The following ENPEP variants were observed in gnomAD, a reference collection of about 807,000 sequenced individuals.
ENPEP encodes glutamyl aminopeptidase.
ENPEP carries 103 observed loss-of-function variants against 114.5 expected under a neutral mutation model. That is an observed-to-expected ratio of 0.90 (90% CI 0.77 to 1.06). ENPEP has a LOEUF of 1.06. Among genes scored for constraint, ENPEP ranks in the 50% least tolerant of loss-of-function variants. The pLI is 0.00. For missense variants in ENPEP, 1,196 were observed against 1,161.3 expected (o/e 1.03, Z -0.43); for synonymous variants, 420 against 422.0 (o/e 1.00, Z 0.06).
Position 110,543,003 on chromosome 4 carries a change from C to T in ENPEP, c.1945-12C>T, listed in dbSNP as rs1005417721. 19 of 1,612,738 alleles carry T rather than the reference C, an allele frequency of 1.2e-5. No individual in the cohort carries two copies. The highest frequency in any genetic ancestry group is 5.0e-5 in the Admixed American group (3 of 59,900). The stretch of plus-strand genomic sequence containing the variant: ...GAATTGTGTTTTTATCTCTCTTTCT[C>T]CCTCTTCCCAGACATTTTCTTCAGC... On this transcript the variant is annotated splice_polypyrimidine_tract_variant and intron_variant, in intron 12 of 19. Transcript: ENST00000265162.
chr4:110,560,661 T>C (rs1727646739), intron 19 of ENPEP, among the ~76,000 whole-genome samples: 1 of 152,172 alleles, frequency 6.6e-6, no homozygotes, highest in Admixed American at 6.5e-5. Flanking sequence ...CTCCTGTAAA[T>C]GTAACTCTGG....
chr4:110,544,078 A>G (rs1333634387), intron 13 of ENPEP, among the ~76,000 whole-genome samples: 1 of 152,022 alleles, frequency 6.6e-6, no homozygotes, highest in Non-Finnish European at 1.5e-5. Flanking sequence ...GAGTTCCTAG[A>G]TAGTATATTA....
chr4:110,511,987 C>T (rs1212287796), intron 6 of ENPEP, among the ~76,000 whole-genome samples: 4 of 152,138 alleles, frequency 2.6e-5, no homozygotes, highest in African/African-American at 9.7e-5. Context: ...TGATCTTGAA[C>T]TCCTTACCTC....
At chr4:110,561,301 C>T (rs1727668675) in intron 19 of ENPEP, 105 bp from the exon 20 acceptor site, 1 of 1,218,198 alleles carries the variant, frequency 8.2e-7, no homozygotes, top group Admixed American at 2.1e-5. Context: ...TGCAGTGATA[C>T]TGAATTTCTA....
At chr4:110,536,597 C>T (rs1008899070) in intron 11 of ENPEP, among the ~76,000 whole-genome samples, 1 of 152,172 alleles carries the variant, frequency 6.6e-6, no homozygotes, top group Non-Finnish European at 1.5e-5. Context: ...ACTAGTAGGT[C>T]TCTGTCACAT....
In ENPEP at chr4:110,513,489, T is replaced by C; in HGVS notation, c.1383T>C (p.Ile461=). The change falls in exon 7 of 20, where the codon ATT becomes ATC. Residue 461 remains isoleucine, a synonymous_variant. Coordinates refer to ENST00000265162, the MANE Select transcript of ENPEP (RefSeq NM_001977.4). ...DDSLMSSHPI[I]VTVTTPDEIT... is the part of the protein sequence containing the mutation. ...CTTTGATGTCTTCGCATCCAATTATTGTGACTGTGACAACCCCTGATGAAA... is the reference window on the plus strand; with the variant it reads ...CTTTGATGTCTTCGCATCCAATTATCGTGACTGTGACAACCCCTGATGAAA... The C allele has an allele frequency of 1.2e-6, 2 of 1,613,570 alleles. No homozygotes were observed. Among genetic ancestry groups the C allele is most frequent in the Non-Finnish European group, 1.7e-6 (2 of 1,179,622 alleles).
chr4:110,506,403 A>G, intron 3 of ENPEP: 1 of 405,908 alleles, frequency 2.5e-6, no homozygotes, highest in Non-Finnish European at 4.4e-6. Context: ...AGTCATTAAA[A>G]TCACTTAGTG....
chr4:110,509,923 C>T (rs1725513701), intron 5 of ENPEP, 116 bp downstream of exon 5: 3 of 1,333,160 alleles, frequency 2.3e-6, no homozygotes, highest in Non-Finnish European at 3.0e-6. Flanking sequence ...GAAAAACTTG[C>T]ATGAAAATCT....
chr4:110,481,717 T>C (rs1363198551), intron 1 of ENPEP, among the ~76,000 whole-genome samples: 3 of 152,178 alleles, frequency 2.0e-5, no homozygotes, highest in Middle Eastern at 6.8e-3. Flanking sequence ...AAGGGAAGAG[T>C]TTATATGTGT....
chr4:110,531,255 AT>A lies in ENPEP; in HGVS notation c.1788del (p.Phe596LeufsTer11). On this transcript the variant is annotated frameshift_variant, in exon 11 of 20. Transcript: ENST00000265162. LOFTEE classifies it high-confidence loss of function. ...TEDNITSSVL[F>X]NRSEKEGITL... ...AAGATAATATAACAAGCAGTGTGTTATTTAATAGGTCAGAAAAAGAAGGTAA... is the reference window on the plus strand; with the variant it reads ...AAGATAATATAACAAGCAGTGTGTTATTAATAGGTCAGAAAAAGAAGGTAA... 1 of 1,453,944 alleles carries A rather than the reference AT, an allele frequency of 6.9e-7. No individual in the cohort carries two copies. Among genetic ancestry groups the A allele is most frequent in the South Asian group, 1.4e-5 (1 of 69,284 alleles). The allele number at this position is 1,453,944 out of a possible 1,614,324, so 90.1% of individuals were successfully genotyped here.
chr4:110,534,506 T>TTTC lies in ENPEP; in HGVS notation c.1807+3231_1807+3232insCTT, dbSNP rs1212309837. Among the ~76,000 whole-genome samples the TTTC allele has an allele frequency of 7.9e-5, 11 of 139,170 alleles. 1 individual carries two copies. The highest frequency in any genetic ancestry group is 2.9e-4 in the Admixed American group (4 of 13,828). 91.3% of individuals were successfully genotyped at this position (139,170 alleles called of 152,430 possible). A position where few individuals can be genotyped will look rare whatever the true frequency, so the allele number is the denominator to read the frequency against. On this transcript the variant is annotated intron_variant, in intron 11 of 19. Transcript: ENST00000265162. ...TATGTTCTCTCTTTTCGTTGTTTCT[T>TTTC]TTTTTTTTTTTTTTTTTTGGGACAG...
intron 10 of ENPEP, among the ~76,000 whole-genome samples, chr4:110,529,984 G>T (rs1397547775): frequency 6.6e-6 from 1 of 152,130 alleles, no homozygotes; most frequent in African/African-American, 2.4e-5. Context: ...GCTTAGGCAG[G>T]AGAATCACTT....
intron 2 of ENPEP, 42 bp from the exon 3 acceptor site, chr4:110,490,991 T>G (rs1177498217): frequency 6.3e-7 from 1 of 1,586,102 alleles, no homozygotes; most frequent in East Asian, 2.2e-5. Flanking sequence ...TATATATGAT[T>G]GATATTTTGA....
intron 1 of ENPEP, among the ~76,000 whole-genome samples, chr4:110,486,766 C>A (rs1292166282): frequency 6.6e-6 from 1 of 152,146 alleles, no homozygotes; most frequent in Non-Finnish European, 1.5e-5. Flanking sequence ...TTCACCTTGC[C>A]CGCTGCCTAG....
intron 18 of ENPEP, among the ~76,000 whole-genome samples, chr4:110,557,455 A>G (rs1285267893): frequency 6.6e-6 from 1 of 152,188 alleles, no homozygotes; most frequent in African/African-American, 2.4e-5. Context: ...GGACTAACAT[A>G]AGGGAACAGA....
chr4:110,556,370 T>C lies in ENPEP; in HGVS notation c.2642+2915T>C, dbSNP rs115185646. ...CAGAAATGGAAACATATTATAAATA[T>C]GGTTTATAACTTGCTTTTTTTCCTC... is the stretch of plus-strand genomic sequence containing the variant. On this transcript the variant is annotated intron_variant, in intron 18 of 19. Coordinates refer to ENST00000265162, the MANE Select transcript of ENPEP (RefSeq NM_001977.4). 7.6e-3 allele frequency among the ~76,000 whole-genome samples: 1,164 copies of C among 152,220 alleles called. 17 individuals carry two copies. Among genetic ancestry groups the C allele is most frequent in the African/African-American group, 0.026 (1,089 of 41,556 alleles).
rs1366774762 is a variant in ENPEP, at chr4:110,564,382, T to C, written c.*2824T>C. ...GGTTGGAATATCAACTACTTGGTAG[T>C]TGAGTGCTTTTAACCTCTCCATTGT... On this transcript the variant is annotated 3_prime_UTR_variant, in exon 20 of 20. Transcript: ENST00000265162. 1 of 152,202 alleles carries C rather than the reference T, an allele frequency of 6.6e-6. No individual in the cohort carries two copies. The highest frequency in any genetic ancestry group is 1.5e-5 in the Non-Finnish European group (1 of 68,050). The allele number at this position is 152,202 out of a possible 1,614,324, so 9.4% of individuals were successfully genotyped here.
At chr4:110,480,602 A>G (rs1267664305) in intron 1 of ENPEP, among the ~76,000 whole-genome samples, 1 of 152,242 alleles carries the variant, frequency 6.6e-6, no homozygotes, top group Non-Finnish European at 1.5e-5. Flanking sequence ...TGACAACCAC[A>G]ATGCAAACTA....
At chr4:110,500,856 G>A (rs1439019442) in intron 3 of ENPEP, among the ~76,000 whole-genome samples, 34 of 152,122 alleles carry the variant, frequency 2.2e-4, no homozygotes, top group Admixed American at 2.2e-3. Flanking sequence ...AGATGATAGG[G>A]GAGAGTCAGT....
Sources: gnomAD v4.1 joint callset for allele counts (sites outside exome capture counted in the v4.1 genomes callset) on GRCh38, gnomAD v4.1.1 for gene constraint, MANE v1.5 for transcripts, NCBI Gene and HGNC (gene_info 2026-07-23, HGNC 2026-07-21) for gene names.